The following DLG2 variants were observed in gnomAD, a reference collection of about 807,000 sequenced individuals.
The protein encoded by DLG2 is disks large homolog 2.
A neutral mutation model predicts 132.5 loss-of-function variants in DLG2; 45 were observed. The observed-to-expected ratio is 0.34, with a 90% CI of 0.27 to 0.44. DLG2 has a LOEUF of 0.44. Ranked by LOEUF, DLG2 falls within the 20% of genes least tolerant of loss-of-function variation. The pLI is 1.00. For missense variants in DLG2, 1,045 were observed against 1,196.9 expected (o/e 0.87, Z 1.87); for synonymous variants, 424 against 419.6 (o/e 1.01, Z -0.13).
chr11:84,028,242 TATAG>T (rs2095595513), intron 11 of DLG2, among the ~76,000 whole-genome samples: 1 of 152,020 alleles, frequency 6.6e-6, no homozygotes, highest in Non-Finnish European at 1.5e-5. Flanking sequence ...GTCGAACAAA[TATAG>T]AGTCATGATT....
At chr11:85,627,802 G>C (rs1278088410), upstream of DLG2, 1 of 152,350 alleles carries the variant, frequency 6.6e-6, no homozygotes, top group Non-Finnish European at 1.5e-5. Context: ...ACGCGATGAA[G>C]TGTTTCCTCA....
intron 3 of DLG2, among the ~76,000 whole-genome samples, chr11:85,579,744 T>C (rs1416872909): frequency 6.6e-6 from 1 of 152,086 alleles, no homozygotes; most frequent in Non-Finnish European, 1.5e-5. Context: ...TGAAGAGCAA[T>C]TGTGCAGTCT....
At chr11:83,545,519 A>G (rs924392171) in intron 19 of DLG2, among the ~76,000 whole-genome samples, 1 of 151,954 alleles carries the variant, frequency 6.6e-6, no homozygotes, top group Non-Finnish European at 1.5e-5. Context: ...CCCAAAGTAG[A>G]CCCTCAATAC....
At chr11:84,735,768 G>T (rs1265938374) in intron 6 of DLG2, among the ~76,000 whole-genome samples, 1 of 151,836 alleles carries the variant, frequency 6.6e-6, no homozygotes, top group Non-Finnish European at 1.5e-5. Flanking sequence ...TCTCTTGTGG[G>T]CATTTAGTGC....
chr11:84,776,390 C>T (rs1159286758), intron 6 of DLG2, among the ~76,000 whole-genome samples: 1 of 152,092 alleles, frequency 6.6e-6, no homozygotes, highest in Non-Finnish European at 1.5e-5. Flanking sequence ...CTCCTGGGCT[C>T]TAGCAATCCC....
chr11:85,004,297 T>C (rs2058455851), intron 6 of DLG2, among the ~76,000 whole-genome samples: 1 of 152,340 alleles, frequency 6.6e-6, no homozygotes, highest in East Asian at 1.9e-4. Context: ...ATCGCCAAAC[T>C]GCCTTCCACA....
chr11:84,972,214 A>G lies in DLG2; in HGVS notation c.357+139447T>C, dbSNP rs527482717. ...TAAGTGAACAGAATAGAGCCTCACT[A>G]AAGACCACAAGATTTATGAGGCCTC... On this transcript the variant is annotated intron_variant, in intron 6 of 27. Coordinates refer to ENST00000376104, the MANE Select transcript of DLG2 (RefSeq NM_001142699.3). Among the ~76,000 whole-genome samples the G allele has an allele frequency of 1.4e-4, 22 of 152,304 alleles. 2 individuals carry two copies. Among genetic ancestry groups the G allele is most frequent in the African/African-American group, 5.3e-4 (22 of 41,568 alleles).
At position 84,271,643 on chromosome 11, in the gene DLG2, C is replaced by A. The variant is rs544005755; in HGVS notation, c.520-20352G>T. 1.6e-4 allele frequency among the ~76,000 whole-genome samples: 24 copies of A among 152,278 alleles called. No individual in the cohort carries two copies. The East Asian group carries it at 4.2e-3, about 27-fold the overall frequency. ...CACCAAGCACTCTTTATGTGCCAGG[C>A]ACTGTGCTAGACACTGGGAATAGAT... On this transcript the variant is annotated intron_variant, in intron 7 of 27. Coordinates refer to ENST00000376104, the MANE Select transcript of DLG2 (RefSeq NM_001142699.3).
intron 18 of DLG2, among the ~76,000 whole-genome samples, chr11:83,701,300 T>A (rs577549711): frequency 1.3e-5 from 2 of 152,140 alleles, no homozygotes; most frequent in Non-Finnish European, 2.9e-5. Flanking sequence ...AGGATAAATA[T>A]AATCCCTACC....
chr11:83,663,092 A>G (rs1241306056), intron 18 of DLG2, among the ~76,000 whole-genome samples: 1 of 152,206 alleles, frequency 6.6e-6, no homozygotes, highest in African/African-American at 2.4e-5. Flanking sequence ...AAAATAATAA[A>G]GGTGCTATCT....
intron 15 of DLG2, among the ~76,000 whole-genome samples, chr11:83,881,312 C>T (rs1233596694): frequency 1.3e-5 from 2 of 152,140 alleles, no homozygotes; most frequent in African/African-American, 4.8e-5. Context: ...AAAATCAAAT[C>T]TATCATGTAC....
chr11:85,343,285 C>A (rs1219955896), intron 3 of DLG2, among the ~76,000 whole-genome samples: 1 of 152,222 alleles, frequency 6.6e-6, no homozygotes, highest in East Asian at 1.9e-4. Context: ...AACTAGTAGC[C>A]CTTCAGTGTG....
chr11:85,118,177 TG>T (rs1402095373), intron 5 of DLG2, among the ~76,000 whole-genome samples: 8 of 152,214 alleles, frequency 5.3e-5, no homozygotes, highest in African/African-American at 1.9e-4. Context: ...TGGCCTAATT[TG>T]TTTCTGAGGA....
At chr11:83,534,607 T>C (rs1177372631) in intron 20 of DLG2, among the ~76,000 whole-genome samples, 2 of 152,170 alleles carry the variant, frequency 1.3e-5, no homozygotes, top group Admixed American at 6.5e-5. Flanking sequence ...TGGAAACAGC[T>C]GAACAAAATT....
intron 11 of DLG2, among the ~76,000 whole-genome samples, chr11:84,048,500 C>T (rs769304601): frequency 6.6e-6 from 1 of 151,564 alleles, no homozygotes; most frequent in Non-Finnish European, 1.5e-5. Context: ...AAAACAGGTC[C>T]ACCTACCACT....
intron 18 of DLG2, among the ~76,000 whole-genome samples, chr11:83,648,494 C>T (rs569124634): frequency 6.6e-6 from 1 of 152,212 alleles, no homozygotes; most frequent in African/African-American, 2.4e-5. Flanking sequence ...ATGTTAGTGT[C>T]CTTCCATGAG....
At chr11:83,965,291 G>A (rs770795706) in intron 13 of DLG2, 33 bp downstream of exon 13, 2 of 1,578,442 alleles carry the variant, frequency 1.3e-6, no homozygotes, top group Non-Finnish European at 1.7e-6. Flanking sequence ...CTGCAAGTCT[G>A]GCATGCTATT....
At chr11:84,649,262 CT>C (rs886135687) in intron 6 of DLG2, among the ~76,000 whole-genome samples, 1 of 152,148 alleles carries the variant, frequency 6.6e-6, no homozygotes, top group African/African-American at 2.4e-5. Context: ...GACTAATTCC[CT>C]AGTAACAGTT....
intron 18 of DLG2, among the ~76,000 whole-genome samples, chr11:83,782,765 T>C (rs1478023228): frequency 6.6e-6 from 1 of 151,922 alleles, no homozygotes; most frequent in Non-Finnish European, 1.5e-5. Flanking sequence ...GAATATATTG[T>C]GAAAGACAAG....
Sources: allele counts gnomAD v4.1 joint callset (sites outside exome capture counted in the v4.1 genomes callset), GRCh38; gene constraint gnomAD v4.1.1; transcripts MANE v1.5; gene names NCBI Gene and HGNC (gene_info 2026-07-23, HGNC 2026-07-21).